The following CARMIL1 variants were observed in gnomAD, a reference collection of about 807,000 sequenced individuals.
The protein encoded by CARMIL1 is capping protein regulator and myosin 1 linker 1.
CARMIL1 carries 90 observed loss-of-function variants against 177.1 expected under a neutral mutation model. The ratio of observed to expected loss-of-function variants is 0.51; its 90% CI spans 0.43 to 0.61. The LOEUF (loss-of-function observed/expected upper bound fraction) is 0.61, where lower values mean the gene tolerates loss of function less well. CARMIL1 is among the 20% of genes least tolerant of loss of function. The pLI is 0.00. For missense variants in CARMIL1, 1,380 were observed against 1,667.0 expected (o/e 0.83, Z 3.00); for synonymous variants, 577 against 606.2 (o/e 0.95, Z 0.71).
intron 29 of CARMIL1, among the ~76,000 whole-genome samples, chr6:25,579,379 C>T (rs549356290): frequency 2.6e-5 from 4 of 151,884 alleles, no homozygotes; most frequent in Non-Finnish European, 5.9e-5. Context: ...ATTATTTTAC[C>T]TACCATGATT....
In CARMIL1 at chr6:25,600,325, C is replaced by T; in HGVS notation, c.3131C>T (p.Thr1044Ile). 6.2e-7 allele frequency: 1 copy of T among 1,609,290 alleles called. No homozygotes were observed. The highest frequency in any genetic ancestry group is 8.5e-7 in the Non-Finnish European group (1 of 1,177,762). The change falls in exon 33 of 37, where the codon ACA (threonine) becomes ATA (isoleucine). Residue 1044 changes from threonine to isoleucine, a missense_variant. By Grantham distance (89) the Thr-to-Ile change is moderately conservative. Transcript: ENST00000329474. Reference sequence around the variant, plus strand: ...GGTTTGAAATGCAGGAAATGGTCAACAAGAGGCTCAGAGTCCCATGAGCTT... The same window carrying T: ...GGTTTGAAATGCAGGAAATGGTCAATAAGAGGCTCAGAGTCCCATGAGCTT... The part of the protein sequence containing the change: ...VTKMDSKKWS[T>I]RGSESHELNE...
intron 15 of CARMIL1, among the ~76,000 whole-genome samples, chr6:25,494,129 TTTA>T (rs1246684472): frequency 1.3e-5 from 2 of 150,372 alleles, no homozygotes; most frequent in African/African-American, 4.9e-5. Context: ...TATTTATTTA[TTTA>T]TTATTATTAT....
chr6:25,611,430 CAGAG>C (rs1257182258), intron 36 of CARMIL1, among the ~76,000 whole-genome samples: 3 of 152,216 alleles, frequency 2.0e-5, no homozygotes, highest in Admixed American at 6.5e-5. Flanking sequence ...GATGCCATCT[CAGAG>C]AGACTTGAGC....
intron 17 of CARMIL1, among the ~76,000 whole-genome samples, chr6:25,500,904 C>T (rs1325666215): frequency 2.6e-5 from 4 of 151,748 alleles, no homozygotes; most frequent in Admixed American, 6.6e-5. Context: ...GGACTACAGG[C>T]GCCCGCCACC....
At chr6:25,392,665 T>G (rs564087026) in intron 2 of CARMIL1, among the ~76,000 whole-genome samples, 1 of 152,316 alleles carries the variant, frequency 6.6e-6, no homozygotes, top group African/African-American at 2.4e-5. Flanking sequence ...TAGATACATT[T>G]GGAAAATCTG....
Position 25,615,176 on chromosome 6 carries a change from T to A in CARMIL1, c.3980-4271T>A, listed in dbSNP as rs534700241. On this transcript the variant is annotated intron_variant, in intron 36 of 36. Transcript: ENST00000329474. ...AAAAAAATAACATTTAGCAGATCAATTCTATTAAATAATTGCTTATACTTT... is the reference window on the plus strand; with the variant it reads ...AAAAAAATAACATTTAGCAGATCAAATCTATTAAATAATTGCTTATACTTT... Among the ~76,000 whole-genome samples the A allele has an allele frequency of 5.9e-5, 9 of 152,374 alleles. No individual in the cohort carries two copies. In the East Asian group the frequency reaches 1.3e-3, roughly 23 times the overall value.
At chr6:25,566,051 C>T (rs1458270861) in intron 29 of CARMIL1, among the ~76,000 whole-genome samples, 3 of 152,168 alleles carry the variant, frequency 2.0e-5, no homozygotes, top group Non-Finnish European at 4.4e-5. Context: ...CTGTCAGCCT[C>T]AATCTCTCTT....
intron 8 of CARMIL1, among the ~76,000 whole-genome samples, chr6:25,462,787 T>C (rs1364964594): frequency 6.6e-6 from 1 of 152,232 alleles, no homozygotes; most frequent in Non-Finnish European, 1.5e-5. Flanking sequence ...TCTCTCGTCT[T>C]TCGTTGTATT....
At chr6:25,357,686 A>C (rs1461400250) in intron 2 of CARMIL1, among the ~76,000 whole-genome samples, 1 of 152,246 alleles carries the variant, frequency 6.6e-6, no homozygotes, top group African/African-American at 2.4e-5. Context: ...AGTTTACTCC[A>C]TCATGAGTAG....
At chr6:25,537,643 G>T (rs1160301343) in intron 24 of CARMIL1, among the ~76,000 whole-genome samples, 1 of 152,210 alleles carries the variant, frequency 6.6e-6, no homozygotes, top group Non-Finnish European at 1.5e-5. Context: ...TGGCATTAAA[G>T]TTGCCAAAGG....
rs1215995227 is a variant in CARMIL1 at position 25,600,447 on chromosome 6, A to G, written c.3253A>G (p.Thr1085Ala). 2 of 1,613,898 alleles carry G rather than the reference A, an allele frequency of 1.2e-6. No individual in the cohort carries two copies. Among genetic ancestry groups the G allele is most frequent in the African/African-American group, 2.7e-5 (2 of 74,918 alleles). Reference sequence around the variant, plus strand: ...CCGGTCCAAATCCGAGCGACCACCAACGATCTTGATGACAGAAGAACCCTC... The same window carrying G: ...CCGGTCCAAATCCGAGCGACCACCAGCGATCTTGATGACAGAAGAACCCTC... ...KSRSKSERPP[T>A]ILMTEEPSSP... The change falls in exon 33 of 37, where the codon ACG (threonine) becomes GCG (alanine). Residue 1085 changes from threonine (T) to alanine (A), a missense_variant. By Grantham distance (58) the Thr-to-Ala change is moderately conservative. Coordinates refer to ENST00000329474, the MANE Select transcript of CARMIL1 (RefSeq NM_017640.6).
chr6:25,459,236 T>TTCTG (rs755984529), intron 8 of CARMIL1, among the ~76,000 whole-genome samples: 1 of 96,154 alleles, frequency 1.0e-5, no homozygotes, highest in Non-Finnish European at 2.1e-5. Flanking sequence ...CTTTCTTTCT[T>TTCTG]TCTTTCTTTC....
intron 2 of CARMIL1, among the ~76,000 whole-genome samples, chr6:25,342,980 A>G (rs1262922688): frequency 6.6e-6 from 1 of 152,218 alleles, no homozygotes; most frequent in Admixed American, 6.5e-5. Context: ...CAGACACAAA[A>G]CAAGCACACG....
intron 2 of CARMIL1, among the ~76,000 whole-genome samples, chr6:25,372,462 T>G (rs979661743): frequency 4.6e-5 from 7 of 152,190 alleles, no homozygotes; most frequent in African/African-American, 1.4e-4. Flanking sequence ...TTTCACCTCC[T>G]TGTTAAGTAT....
intron 8 of CARMIL1, among the ~76,000 whole-genome samples, chr6:25,454,665 A>G (rs980231825): frequency 1.3e-5 from 2 of 152,218 alleles, no homozygotes; most frequent in Non-Finnish European, 2.9e-5. Context: ...TTTTTTTACT[A>G]GTCTTACTAT....
chr6:25,445,968 A>G (rs1798196384), intron 5 of CARMIL1, among the ~76,000 whole-genome samples: 1 of 152,184 alleles, frequency 6.6e-6, no homozygotes, highest in Non-Finnish European at 1.5e-5. Flanking sequence ...GAGCAGTAAC[A>G]TTTTGACAGG....
intron 2 of CARMIL1, among the ~76,000 whole-genome samples, chr6:25,378,201 G>A (rs1356385859): frequency 6.6e-6 from 1 of 152,198 alleles, no homozygotes; most frequent in Non-Finnish European, 1.5e-5. Flanking sequence ...GCCCTACGCA[G>A]CTTTCATGCA....
chr6:25,597,841 C>A (rs756122932), intron 32 of CARMIL1, among the ~76,000 whole-genome samples: 8 of 152,182 alleles, frequency 5.3e-5, no homozygotes, highest in Non-Finnish European at 1.2e-4. Context: ...TGTTGCATAT[C>A]TTTCATTTGG....
chr6:25,305,121 G>A (rs972883658), intron 2 of CARMIL1, among the ~76,000 whole-genome samples: 4 of 152,202 alleles, frequency 2.6e-5, no homozygotes, highest in Admixed American at 1.3e-4. Flanking sequence ...GGTGGCAGAA[G>A]ACATTGGACT....
Sources: gnomAD v4.1 joint callset for allele counts (sites outside exome capture counted in the v4.1 genomes callset) on GRCh38, gnomAD v4.1.1 for gene constraint, MANE v1.5 for transcripts, NCBI Gene and HGNC (gene_info 2026-07-23, HGNC 2026-07-21) for gene names.